The following ANKMY1 variants were observed in gnomAD, a reference collection of about 807,000 sequenced individuals.
The protein encoded by ANKMY1 is ankyrin repeat and MYND domain-containing protein 1.
In ANKMY1, 98 loss-of-function variants were observed where a neutral mutation model predicts 102.0. The ratio of observed to expected loss-of-function variants is 0.96; its 90% CI spans 0.82 to 1.14. ANKMY1 has a LOEUF of 1.14. Ranked by LOEUF, ANKMY1 falls within the 50% of genes most tolerant of loss-of-function variation. The probability of loss-of-function intolerance (pLI) is 0.00; values close to 1 mark genes in which losing one functional copy is unlikely to be tolerated. For missense variants in ANKMY1, 1,330 were observed against 1,347.6 expected (o/e 0.99, Z 0.20); for synonymous variants, 582 against 559.9 (o/e 1.04, Z -0.56).
At position 240,529,949 on chromosome 2, in the gene ANKMY1, T is replaced by C. The variant is rs998144221; in HGVS notation, c.481-440A>G. 3.0e-5 allele frequency among the ~76,000 whole-genome samples: 4 copies of C among 133,234 alleles called. No individual in the cohort carries two copies. Among genetic ancestry groups the C allele is most frequent in the African/African-American group, 1.1e-4 (4 of 34,950 alleles). The allele number at this position is 133,234 out of a possible 152,430, so 87.4% of individuals were successfully genotyped here. The stretch of plus-strand genomic sequence containing the variant: ...AAGGGGCAGGAGAAGGAGGAGGAGA[T>C]AGAGGAAAGGAAGAGGAGGAGGAGG... On this transcript the variant is annotated intron_variant, in intron 4 of 17. Transcript: ENST00000401804. The surrounding 1 kb of genome is among the most constrained non-coding windows in gnomAD (Gnocchi z 4.2).
rs2083227875 is a variant in ANKMY1, at chr2:240,525,719, G to A, written c.1301C>T (p.Pro434Leu). 6.2e-7 allele frequency: 1 copy of A among 1,614,118 alleles called. No individual in the cohort carries two copies. Among genetic ancestry groups the A allele is most frequent in the Non-Finnish European group, 8.5e-7 (1 of 1,180,010 alleles). The change falls in exon 7 of 18, where the codon CCC (proline) becomes CTC (leucine). Residue 434 changes from proline to leucine, a missense_variant. By Grantham distance (98) the Pro-to-Leu change is moderately conservative. Coordinates refer to ENST00000401804, the MANE Select transcript of ANKMY1 (RefSeq NM_001282771.3). ...AGGTATGGTCCGTTCAGCAACATTG[G>A]GCTTGAAGGACTGGGCGGGGTAGTG... ...LLHYPAQSFK[P>L]NVAERTIPEP...
At chr2:240,494,355 G>A (rs1400769550) in intron 15 of ANKMY1, among the ~76,000 whole-genome samples, 1 of 152,108 alleles carries the variant, frequency 6.6e-6, no homozygotes, top group African/African-American at 2.4e-5. Flanking sequence ...CTGCCACCCT[G>A]ACTGCATCAG....
At chr2:240,498,904 C>T (rs1233461059) in intron 15 of ANKMY1, among the ~76,000 whole-genome samples, 1 of 152,156 alleles carries the variant, frequency 6.6e-6, no homozygotes, top group African/African-American at 2.4e-5. Flanking sequence ...CTTCGCCCTC[C>T]ACTGGGAGTG....
At chr2:240,504,835 C>A (rs1468274380) in intron 13 of ANKMY1, among the ~76,000 whole-genome samples, 1 of 151,932 alleles carries the variant, frequency 6.6e-6, no homozygotes, top group East Asian at 1.9e-4. Context: ...GGCGAAACCC[C>A]ATCTCTACTA....
chr2:240,553,787 C>T (rs2091926582), intron 3 of ANKMY1: 1 of 152,200 alleles, frequency 6.6e-6, no homozygotes, highest in Non-Finnish European at 1.5e-5. Context: ...CCCAGCTACT[C>T]AGGAGGCTGA....
At chr2:240,542,880 TTTAATTAC>T (rs1559367046) in intron 4 of ANKMY1, among the ~76,000 whole-genome samples, 1 of 150,478 alleles carries the variant, frequency 6.6e-6, no homozygotes, top group Non-Finnish European at 1.5e-5. Context: ...AAGTAAATTA[TTTAATTAC>T]TTAAGTAAAT....
chr2:240,540,356 G>A (rs116715594), intron 4 of ANKMY1, among the ~76,000 whole-genome samples: 79 of 152,270 alleles, frequency 5.2e-4, no homozygotes, highest in Non-Finnish European at 7.2e-4. Flanking sequence ...TCATGAAACC[G>A]ACCCAACAGC....
chr2:240,484,634 T>G (rs2075829762), intron 15 of ANKMY1, among the ~76,000 whole-genome samples: 1 of 152,142 alleles, frequency 6.6e-6, no homozygotes, highest in South Asian at 2.1e-4. Flanking sequence ...ATTCAGGACA[T>G]AGGCATAGGC....
At chr2:240,526,821 C>T in intron 5 of ANKMY1, 1 of 1,189,410 alleles carries the variant, frequency 8.4e-7, no homozygotes, top group South Asian at 1.8e-5. Flanking sequence ...AGTCTCAGCA[C>T]CAACACCCAC....
chr2:240,493,955 C>T (rs965237811), intron 15 of ANKMY1, among the ~76,000 whole-genome samples: 1 of 152,106 alleles, frequency 6.6e-6, no homozygotes, highest in African/African-American at 2.4e-5. Context: ...TTCTCTGGGT[C>T]CCAAACAGTG....
chr2:240,481,208 C>T (rs1000285722), intron 16 of ANKMY1, 111 bp from the exon 17 acceptor site: 28 of 1,363,798 alleles, frequency 2.1e-5, no homozygotes, highest in Admixed American at 6.9e-5. Flanking sequence ...TATTCCCCAC[C>T]GTCCCGCACT....
chr2:240,484,629 G>A (rs1300433740), intron 15 of ANKMY1, among the ~76,000 whole-genome samples: 1 of 152,180 alleles, frequency 6.6e-6, no homozygotes, highest in Admixed American at 6.5e-5. Flanking sequence ...ATACCATTCA[G>A]GACATAGGCA....
At chr2:240,479,732 C>T (rs1336707336) in intron 17 of ANKMY1, 77 bp from the exon 18 acceptor site, 1 of 1,384,260 alleles carries the variant, frequency 7.2e-7, no homozygotes, top group Non-Finnish European at 1.0e-6. Flanking sequence ...CTCCAGAACT[C>T]GGGCTGTGTG....
At position 240,512,888 on chromosome 2, in the gene ANKMY1, C is replaced by T. The variant is rs201726902; in HGVS notation, c.2059G>A (p.Val687Ile). ...TGCAACAGCAGCTCCACAATCTGTA[C>T]CCCCTCCTCCCCAGGAAGGGCGGCA... ...IAAALPGEEGVQIVELLLHAI... is the reference protein window; with the variant it reads ...IAAALPGEEGIQIVELLLHAI... The change falls in exon 10 of 18, where the codon GTA becomes ATA. Residue 687 changes from valine (V) to isoleucine (I), a missense_variant. Transcript: ENST00000401804. 6.2e-7 allele frequency: 1 copy of T among 1,613,928 alleles called. No homozygotes were observed. Among genetic ancestry groups the T allele is most frequent in the East Asian group, 2.2e-5 (1 of 44,880 alleles).
chr2:240,522,981 C>T (rs1033737252), intron 8 of ANKMY1: 1 of 152,134 alleles, frequency 6.6e-6, no homozygotes, highest in Non-Finnish European at 1.5e-5. Context: ...CAGCCACATA[C>T]CAGTGGTCAT....
chr2:240,479,502 G>T lies in ANKMY1; in HGVS notation c.*107C>A. ...TGCTACAAAGCATGACCCCAAAGGT[G>T]CAGAAATGCCTGCATTAGGCTGGAA... On this transcript the variant is annotated 3_prime_UTR_variant, in exon 18 of 18. Coordinates refer to ENST00000401804, the MANE Select transcript of ANKMY1 (RefSeq NM_001282771.3). 2.2e-6 allele frequency: 3 copies of T among 1,339,232 alleles called. No individual in the cohort carries two copies. Among genetic ancestry groups the T allele is most frequent in the Non-Finnish European group, 3.2e-6 (3 of 944,982 alleles). The allele number at this position is 1,339,232 out of a possible 1,614,324, so 83.0% of individuals were successfully genotyped here. A position where few individuals can be genotyped will look rare whatever the true frequency, so the allele number is the denominator to read the frequency against.
chr2:240,479,776 T>C (rs1284645620), intron 17 of ANKMY1, 121 bp from the exon 18 acceptor site: 7 of 859,194 alleles, frequency 8.1e-6, no homozygotes, highest in Non-Finnish European at 1.3e-5. Flanking sequence ...TCTAGAGCTT[T>C]TGCAGGCAAG....
At chr2:240,528,839 G>A (rs1361512251) in intron 5 of ANKMY1, among the ~76,000 whole-genome samples, 198 bp downstream of exon 5, 3 of 152,128 alleles carry the variant, frequency 2.0e-5, no homozygotes, top group Non-Finnish European at 4.4e-5. Context: ...CCAGGACCCG[G>A]CCTGCCTCCC....
Position 240,499,842 on chromosome 2 carries a change from C to T in ANKMY1, c.2806+116G>A, listed in dbSNP as rs1255089502. ...AAGGGGACAAGCCGACGAGCCCAGCCCCAGGAAGGCCCCTCCAAGAGCCCC... is the reference window on the plus strand; with the variant it reads ...AAGGGGACAAGCCGACGAGCCCAGCTCCAGGAAGGCCCCTCCAAGAGCCCC... On this transcript the variant is annotated intron_variant, in intron 15 of 17. Coordinates refer to ENST00000401804, the MANE Select transcript of ANKMY1 (RefSeq NM_001282771.3). The surrounding 1 kb of genome is among the most constrained non-coding windows in gnomAD (Gnocchi z 4.2). 5 of 1,340,942 alleles carry T rather than the reference C, an allele frequency of 3.7e-6. No individual in the cohort carries two copies. Among genetic ancestry groups the T allele is most frequent in the East Asian group, 2.5e-5 (1 of 39,498 alleles). The allele number at this position is 1,340,942 out of a possible 1,614,324, so 83.1% of individuals were successfully genotyped here.
Sources: gnomAD v4.1 joint callset for allele counts (sites outside exome capture counted in the v4.1 genomes callset) on GRCh38, gnomAD v4.1.1 for gene constraint, Gnocchi (gnomAD v3.1) non-coding constraint, MANE v1.5 for transcripts, NCBI Gene and HGNC (gene_info 2026-07-23, HGNC 2026-07-21) for gene names.